PRMT8: variants seen among roughly 807,000 people sequenced by gnomAD.
PRMT8 encodes protein arginine N-methyltransferase 8.
In PRMT8, 7 loss-of-function variants were observed where a neutral mutation model predicts 47.1. The ratio of observed to expected loss-of-function variants is 0.15; its 90% CI spans 0.08 to 0.28. The LOEUF is 0.28. PRMT8 is among the 10% of genes least tolerant of loss of function. The pLI, the probability that PRMT8 is intolerant of heterozygous loss-of-function variation, is 1.00. For missense variants in PRMT8, 237 were observed against 505.4 expected (o/e 0.47, Z 5.09); for synonymous variants, 188 against 186.5 (o/e 1.01, Z -0.07).
In PRMT8 at chr12:3,576,732, C is replaced by A. The variant is rs1283218130; in HGVS notation, c.713-139C>A. Reference sequence around the variant, plus strand: ...ACATTGCAAAGTGCCCCCAGGTGAGCAGTTCTGCCTCTATTTCGATGCAAG... The same window carrying A: ...ACATTGCAAAGTGCCCCCAGGTGAGAAGTTCTGCCTCTATTTCGATGCAAG... On this transcript the variant is annotated intron_variant, in intron 6 of 9. Coordinates refer to ENST00000382622, the MANE Select transcript of PRMT8 (RefSeq NM_019854.5). The surrounding 1 kb of genome is among the most constrained non-coding windows in gnomAD (Gnocchi z 4.0). 1.5e-6 allele frequency: 1 copy of A among 674,526 alleles called. No individual in the cohort carries two copies. Among genetic ancestry groups the A allele is most frequent in the Non-Finnish European group, 2.7e-6 (1 of 375,426 alleles). 41.8% of individuals were successfully genotyped at this position (674,526 alleles called of 1,614,324 possible). A position where few individuals can be genotyped will look rare whatever the true frequency, so the allele number is the denominator to read the frequency against.
At chr12:3,423,795 T>C (rs1418864324) in intron 1 of PRMT8, among the ~76,000 whole-genome samples, 2 of 152,208 alleles carry the variant, frequency 1.3e-5, no homozygotes, top group Non-Finnish European at 2.9e-5. Context: ...TGACTGTTTT[T>C]GTGGTACCAT....
intron 1 of PRMT8, among the ~76,000 whole-genome samples, chr12:3,524,388 G>A (rs1865922235): frequency 6.6e-6 from 1 of 152,084 alleles, no homozygotes; most frequent in Non-Finnish European, 1.5e-5. Flanking sequence ...GGAAATACTA[G>A]GCCCCTGCTT....
intron 1 of PRMT8, among the ~76,000 whole-genome samples, chr12:3,513,604 C>T (rs1320730978): frequency 2.6e-5 from 4 of 152,096 alleles, no homozygotes; most frequent in Non-Finnish European, 5.9e-5. Flanking sequence ...GGAATGCGTG[C>T]GCTCCGTGAG....
chr12:3,493,964 G>T lies in PRMT8; in HGVS notation c.75+2264G>T, dbSNP rs1865465221. 6.6e-6 allele frequency among the ~76,000 whole-genome samples: 1 copy of T among 152,336 alleles called. No homozygotes were observed. The highest frequency in any genetic ancestry group is 1.9e-4 in the East Asian group (1 of 5,184). ...ACTTGGTCAAACGTGCCTAGCGGAG[G>T]CATCCAGGCAGCGTGACAATCACTT... On this transcript the variant is annotated intron_variant, in intron 1 of 9. Transcript: ENST00000382622. This position sits in a 1 kb window ranked among gnomAD's most constrained non-coding sequence, Gnocchi z 8.2.
chr12:3,463,743 G>T (rs1266731779), intron 1 of PRMT8, among the ~76,000 whole-genome samples: 1 of 152,178 alleles, frequency 6.6e-6, no homozygotes, highest in African/African-American at 2.4e-5. Flanking sequence ...ACAGGCATGA[G>T]CCACTGCACC....
intron 6 of PRMT8, among the ~76,000 whole-genome samples, chr12:3,571,606 A>G (rs911410655): frequency 3.3e-5 from 5 of 152,092 alleles, no homozygotes; most frequent in African/African-American, 1.2e-4. Context: ...TGCAGTGTTC[A>G]TACCTTTTGG....
At position 3,566,162 on chromosome 12, in the gene PRMT8, G is replaced by A. The variant is rs970840648; in HGVS notation, c.482-2544G>A. ...AACTAAGGCAAGCCAGGCTTTGCAT[G>A]CAAATGATTAGGCAGGTGAGTCATG... On this transcript the variant is annotated intron_variant, in intron 4 of 9. Transcript: ENST00000382622. This position sits in a 1 kb window ranked among gnomAD's most constrained non-coding sequence, Gnocchi z 4.7. Among the ~76,000 whole-genome samples, 8 of 152,228 alleles carry A rather than the reference G, an allele frequency of 5.3e-5. No individual in the cohort carries two copies. The highest frequency in any genetic ancestry group is 2.0e-4 in the Admixed American group (3 of 15,282).
intron 1 of PRMT8, among the ~76,000 whole-genome samples, chr12:3,427,665 A>G (rs1364647490): frequency 2.0e-5 from 3 of 151,996 alleles, no homozygotes; most frequent in Non-Finnish European, 4.4e-5. Context: ...TTTCTTGCAT[A>G]AATTCTTTTT....
At chr12:3,454,698 C>T (rs1864955357) in intron 1 of PRMT8, among the ~76,000 whole-genome samples, 1 of 152,122 alleles carries the variant, frequency 6.6e-6, no homozygotes, top group Admixed American at 6.5e-5. Flanking sequence ...AGGAGTGAAA[C>T]CAAACCCAGC....
intron 1 of PRMT8, among the ~76,000 whole-genome samples, chr12:3,382,163 T>A (rs144539527): frequency 1.0e-3 from 159 of 152,348 alleles, no homozygotes; most frequent in African/African-American, 3.7e-3. Context: ...CTCCAGTTTT[T>A]GACTTTTAGG....
intron 1 of PRMT8, among the ~76,000 whole-genome samples, chr12:3,478,599 TTTC>T (rs1865241980): frequency 6.6e-6 from 1 of 152,250 alleles, no homozygotes; most frequent in Non-Finnish European, 1.5e-5. Context: ...GAAGATACAC[TTTC>T]TTCTTGCACT....
chr12:3,451,546 C>A (rs1454711330), intron 1 of PRMT8, among the ~76,000 whole-genome samples: 1 of 152,210 alleles, frequency 6.6e-6, no homozygotes, highest in Non-Finnish European at 1.5e-5. Flanking sequence ...AGCCAACATT[C>A]AGGAGGCTGC....
At chr12:3,440,146 G>A (rs935272762) in intron 1 of PRMT8, among the ~76,000 whole-genome samples, 2 of 152,184 alleles carry the variant, frequency 1.3e-5, no homozygotes, top group African/African-American at 4.8e-5. Flanking sequence ...CTTGATAATT[G>A]ATGATTATAT....
At chr12:3,522,959 C>A (rs1865902589) in intron 1 of PRMT8, among the ~76,000 whole-genome samples, 1 of 152,014 alleles carries the variant, frequency 6.6e-6, no homozygotes, top group South Asian at 2.1e-4. Context: ...AGAATTAATT[C>A]TACTACCAGG....
intron 1 of PRMT8, among the ~76,000 whole-genome samples, chr12:3,431,958 AG>A (rs1478237667): frequency 6.6e-6 from 1 of 152,250 alleles, no homozygotes; most frequent in African/African-American, 2.4e-5. Flanking sequence ...AGGGCATTAA[AG>A]GAGCAGGAAT....
intron 1 of PRMT8, among the ~76,000 whole-genome samples, chr12:3,510,323 A>C (rs901143505): frequency 2.0e-5 from 3 of 152,118 alleles, no homozygotes; most frequent in African/African-American, 7.2e-5. Flanking sequence ...CTTTATAATA[A>C]GGTCTAGGGT....
intron 9 of PRMT8, 123 bp from the exon 10 acceptor site, chr12:3,592,976 A>AAAGCCTT: frequency 2.7e-6 from 2 of 736,352 alleles, no homozygotes; most frequent in Non-Finnish European, 4.7e-6. Context: ...CCTTAGCCAG[A>AAAGCCTT]AAGCCTTAAG....
intron 1 of PRMT8, among the ~76,000 whole-genome samples, chr12:3,476,903 G>A (rs967824989): frequency 3.9e-5 from 6 of 152,200 alleles, no homozygotes; most frequent in Non-Finnish European, 8.8e-5. Context: ...AGCCCCTCAA[G>A]AGCTGGGCCC....
chr12:3,422,505 C>T (rs1453467068), intron 1 of PRMT8, among the ~76,000 whole-genome samples: 2 of 152,178 alleles, frequency 1.3e-5, no homozygotes, highest in African/African-American at 4.8e-5. Context: ...AATTCCTGTC[C>T]CTTTTAAGGG....
Sources: allele counts gnomAD v4.1 joint callset (sites outside exome capture counted in the v4.1 genomes callset), GRCh38; gene constraint gnomAD v4.1.1; non-coding constraint Gnocchi (gnomAD v3.1); transcripts MANE v1.5; gene names NCBI Gene and HGNC (gene_info 2026-07-23, HGNC 2026-07-21).